Variants in CYP7B1 observed in about 807,000 individuals in gnomAD.
CYP7B1 encodes the protein cytochrome P450 family 7 subfamily B member 1.
A neutral mutation model predicts 42.7 loss-of-function variants in CYP7B1; 29 were observed. That is an observed-to-expected ratio of 0.68 (90% CI 0.51 to 0.93). CYP7B1 has a LOEUF of 0.93. CYP7B1 is among the 40% of genes least tolerant of loss of function. The pLI is 0.00. For synonymous variants in CYP7B1, 235 were observed against 218.2 expected (o/e 1.08, Z -0.68); for missense variants, 655 against 600.5 (o/e 1.09, Z -0.95).
chr8:64,666,014 T>G (rs1231624501), intron 1 of CYP7B1, among the ~76,000 whole-genome samples: 3 of 152,216 alleles, frequency 2.0e-5, no homozygotes, highest in Non-Finnish European at 4.4e-5. Context: ...ATGATTTACT[T>G]TATAAATGCA....
intron 1 of CYP7B1, among the ~76,000 whole-genome samples, chr8:64,651,682 C>A (rs1806041128): frequency 1.3e-5 from 2 of 152,128 alleles, no homozygotes; most frequent in Admixed American, 6.5e-5. Flanking sequence ...ATAAAAGAGA[C>A]CTCAGAGGGC....
At chr8:64,601,117 C>A (rs750294164) in intron 5 of CYP7B1, among the ~76,000 whole-genome samples, 1 of 152,086 alleles carries the variant, frequency 6.6e-6, no homozygotes. Context: ...TGGCAATAAT[C>A]AAAATAATAA....
chr8:64,703,787 A>C (rs1806952783), intron 1 of CYP7B1: 1 of 152,106 alleles, frequency 6.6e-6, no homozygotes, highest in Non-Finnish European at 1.5e-5. Context: ...ATCTTTTAAA[A>C]AAGAGCATTT....
chr8:64,788,668 T>TA (rs1472026037), intron 1 of CYP7B1, among the ~76,000 whole-genome samples: 5 of 152,258 alleles, frequency 3.3e-5, no homozygotes, highest in Admixed American at 1.3e-4. Flanking sequence ...TACTTGTTTT[T>TA]ATTCATCTTT....
chr8:64,793,049 T>G (rs1356690441), intron 1 of CYP7B1, among the ~76,000 whole-genome samples: 4 of 152,070 alleles, frequency 2.6e-5, no homozygotes, highest in African/African-American at 7.2e-5. Flanking sequence ...AGCAAGAGAT[T>G]TGAATTTAAG....
At chr8:64,660,202 C>T (rs1806181387) in intron 1 of CYP7B1, among the ~76,000 whole-genome samples, 1 of 152,160 alleles carries the variant, frequency 6.6e-6, no homozygotes, top group African/African-American at 2.4e-5. Context: ...CCCATGGCTA[C>T]TTAACTAAAA....
chr8:64,624,726 G>A (rs180823107), intron 1 of CYP7B1, among the ~76,000 whole-genome samples, 187 bp from the exon 2 acceptor site: 6 of 152,008 alleles, frequency 3.9e-5, no homozygotes, highest in African/African-American at 7.2e-5. Context: ...CAGTATGTAT[G>A]GATAAATGCA....
At chr8:64,737,794 G>C (rs1270477252) in intron 1 of CYP7B1, among the ~76,000 whole-genome samples, 1 of 152,042 alleles carries the variant, frequency 6.6e-6, no homozygotes, top group Non-Finnish European at 1.5e-5. Flanking sequence ...TTGTTTGTTT[G>C]GTTTTTGTTC....
At chr8:64,665,344 T>C (rs1347315153) in intron 1 of CYP7B1, among the ~76,000 whole-genome samples, 2 of 152,012 alleles carry the variant, frequency 1.3e-5, no homozygotes, top group Non-Finnish European at 2.9e-5. Context: ...ATGAAGTAAT[T>C]TGGAAAGGCT....
rs776163341 is a variant in CYP7B1, at chr8:64,616,079, C to T, written c.462G>A (p.Leu154=). 3.1e-6 allele frequency: 5 copies of T among 1,613,626 alleles called. No homozygotes were observed. Among genetic ancestry groups the T allele is most frequent in the Non-Finnish European group, 1.7e-6 (2 of 1,179,804 alleles). ...GTTTTAGATTCTGCATCATGCTTTC[C>T]AAGAGTATGTCCAAAGATTTGCCTT... is the stretch of plus-strand genomic sequence containing the variant. ...FLQGKSLDIL[L]ESMMQNLKQV... The change falls in exon 3 of 6, where the codon TTG becomes TTA. Residue 154 remains leucine (L), a synonymous_variant. Coordinates refer to ENST00000310193, the MANE Select transcript of CYP7B1 (RefSeq NM_004820.5).
chr8:64,770,937 C>T (rs961320463), intron 1 of CYP7B1, among the ~76,000 whole-genome samples: 2 of 148,090 alleles, frequency 1.4e-5, no homozygotes, highest in East Asian at 4.2e-4. Flanking sequence ...CACTTAAGAA[C>T]TTAGTTGACA....
At chr8:64,622,127 T>A (rs890844513) in intron 2 of CYP7B1, among the ~76,000 whole-genome samples, 8 of 152,176 alleles carry the variant, frequency 5.3e-5, no homozygotes, top group Admixed American at 2.0e-4. Flanking sequence ...AAATACATTA[T>A]TTGAATAATA....
chr8:64,731,097 C>T (rs1014163414), intron 1 of CYP7B1, among the ~76,000 whole-genome samples: 3 of 152,184 alleles, frequency 2.0e-5, no homozygotes, highest in African/African-American at 7.2e-5. Flanking sequence ...AATTAAACCT[C>T]TTTTCTTTAT....
At chr8:64,638,336 T>A (rs1043150077) in intron 1 of CYP7B1, among the ~76,000 whole-genome samples, 20 of 152,276 alleles carry the variant, frequency 1.3e-4, no homozygotes, top group African/African-American at 4.3e-4. Flanking sequence ...AATCTTGTTT[T>A]GATGAGCTAC....
intron 1 of CYP7B1, among the ~76,000 whole-genome samples, chr8:64,751,845 C>T (rs1328466579): frequency 6.6e-6 from 1 of 152,118 alleles, no homozygotes; most frequent in African/African-American, 2.4e-5. Context: ...AGACCGTAAA[C>T]CTGGGCATGG....
At chr8:64,788,083 A>T (rs1804558550) in intron 1 of CYP7B1, among the ~76,000 whole-genome samples, 1 of 152,224 alleles carries the variant, frequency 6.6e-6, no homozygotes, top group African/African-American at 2.4e-5. Context: ...TCAAGATGAG[A>T]TTTGGGTTGG....
intron 1 of CYP7B1, among the ~76,000 whole-genome samples, chr8:64,645,386 A>G (rs1212454054): frequency 6.6e-6 from 1 of 152,082 alleles, no homozygotes; most frequent in East Asian, 1.9e-4. Context: ...AACAGTGTAA[A>G]AGTGTTCCTA....
At chr8:64,791,812 T>A (rs1489278112) in intron 1 of CYP7B1, among the ~76,000 whole-genome samples, 1 of 152,178 alleles carries the variant, frequency 6.6e-6, no homozygotes, top group African/African-American at 2.4e-5. Flanking sequence ...AAATGTAGAA[T>A]TGGCTTTGGA....
intron 1 of CYP7B1, among the ~76,000 whole-genome samples, chr8:64,647,275 T>A (rs546131649): frequency 6.6e-6 from 1 of 152,072 alleles, no homozygotes; most frequent in African/African-American, 2.4e-5. Context: ...ACATCAAAGA[T>A]CACTGACCAC....
Sources: gnomAD v4.1 joint callset for allele counts (sites outside exome capture counted in the v4.1 genomes callset) on GRCh38, gnomAD v4.1.1 for gene constraint, MANE v1.5 for transcripts, NCBI Gene and HGNC (gene_info 2026-07-23, HGNC 2026-07-21) for gene names.